The following HUWE1 variants were observed in gnomAD, a reference collection of about 807,000 sequenced individuals.
HUWE1 encodes HECT, UBA and WWE domain containing E3 ubiquitin protein ligase 1, also known as E3 ubiquitin-protein ligase HUWE1.
In HUWE1, 18 loss-of-function variants were observed where a neutral mutation model predicts 299.4. That is an observed-to-expected ratio of 0.06 (90% CI 0.04 to 0.09). HUWE1 has a LOEUF of 0.09. HUWE1 is among the 10% of genes least tolerant of loss of function. HUWE1 has a pLI of 1.00. For synonymous variants in HUWE1, 1,317 were observed against 1,286.1 expected (o/e 1.02, Z -0.51); for missense variants, 1,832 against 3,462.3 (o/e 0.53, Z 11.82).
At position 53,534,147 on chromosome X, in the gene HUWE1, G is replaced by C. The variant is rs149307907; in HGVS notation, c.12882C>G (p.Ala4294=). 3 of 1,208,554 alleles carry C rather than the reference G, an allele frequency of 2.5e-6. No homozygotes were observed. The African/African-American group carries it at 5.3e-5, about 21-fold the overall frequency. ...ALRSFDQADR[A]KFLQFVTGTS... ...TACCTGTGACAAACTGGAGGAACTT[G>C]GCACGGTCAGCTTGATCGAAAGAAC... Residue 4294 remains alanine, a synonymous_variant, in exon 83 of 84, where the codon GCC becomes GCG. Transcript: ENST00000262854.
At chrX:53,599,254 G>T (rs1419488647) in intron 29 of HUWE1, among the ~76,000 whole-genome samples, 2 of 112,572 alleles carry the variant, frequency 1.8e-5, no homozygotes, top group Admixed American at 9.4e-5. Flanking sequence ...TCCTTTGAAG[G>T]TAATGTTGGT....
intron 13 of HUWE1, 102 bp from the exon 14 acceptor site, chrX:53,629,004 A>T: frequency 1.5e-6 from 1 of 675,761 alleles, no homozygotes; most frequent in Non-Finnish European, 2.3e-6. Flanking sequence ...AAGTCATTCT[A>T]CTGGTAACTG....
chrX:53,568,903 A>G (rs373652351), intron 48 of HUWE1, 29 bp from the exon 49 acceptor site: 10 of 1,135,280 alleles, frequency 8.8e-6, no homozygotes, highest in Non-Finnish European at 1.2e-5. Context: ...CATCTCTATC[A>G]TATGAATATA....
chrX:53,651,584 T>C (rs1267085357), intron 4 of HUWE1, among the ~76,000 whole-genome samples: 2 of 111,956 alleles, frequency 1.8e-5, no homozygotes, highest in African/African-American at 3.3e-5. Context: ...AAAATTTCTA[T>C]TTTTACTTTT....
intron 43 of HUWE1, among the ~76,000 whole-genome samples, chrX:53,578,677 T>G (rs1300080103): frequency 5.3e-5 from 3 of 56,743 alleles, no homozygotes; most frequent in African/African-American, 7.3e-5. Context: ...GGGAGGGAGG[T>G]GGGGGGATCA....
rs1556929944 is a variant in HUWE1, at chrX:53,552,410, T to C, written c.8782A>G (p.Thr2928Ala). 8.3e-7 allele frequency: 1 copy of C among 1,211,099 alleles called. No individual in the cohort carries two copies. Among genetic ancestry groups the C allele is most frequent in the Non-Finnish European group, 1.1e-6 (1 of 895,051 alleles). Residue 2928 changes from threonine to alanine, a missense_variant, in exon 63 of 84, where the codon ACC (threonine) becomes GCC (alanine). Physicochemically the swap from Thr to Ala is moderately conservative, Grantham distance 58 (BLOSUM62 0). Transcript: ENST00000262854. ...GAAATGGCCACGGCAGAATCTCTGGTGGAAGAGCTCTCAGAGGATGCAGGT... is the reference window on the plus strand; with the variant it reads ...GAAATGGCCACGGCAGAATCTCTGGCGGAAGAGCTCTCAGAGGATGCAGGT... ...SPPASSESSS[T>A]RDSAVAISGA...
intron 67 of HUWE1, 113 bp from the exon 68 acceptor site, chrX:53,548,386 T>A: frequency 1.2e-6 from 1 of 844,511 alleles, no homozygotes. Context: ...TTTTGGTAAA[T>A]ATTGGGGGAT....
chrX:53,645,737 ATAT>A (rs1225912095), intron 6 of HUWE1, among the ~76,000 whole-genome samples: 86 of 38,286 alleles, frequency 2.2e-3, no homozygotes, highest in East Asian at 8.2e-3. Flanking sequence ...AAAAAAAAAA[ATAT>A]ATATATATAT....
At chrX:53,536,755 G>C in intron 78 of HUWE1, 88 bp from the exon 79 acceptor site, 1 of 832,941 alleles carries the variant, frequency 1.2e-6, no homozygotes, top group Non-Finnish European at 1.7e-6. Context: ...CTGTGAAGCA[G>C]TGTCTGGGGA....
chrX:53,649,406 T>C (rs1234946902), intron 4 of HUWE1, among the ~76,000 whole-genome samples: 2 of 111,868 alleles, frequency 1.8e-5, no homozygotes, highest in Admixed American at 9.5e-5. Context: ...TAAACTAACA[T>C]GTACCTATAT....
chrX:53,590,562 C>A, intron 34 of HUWE1, 63 bp from the exon 35 acceptor site: 1 of 791,183 alleles, frequency 1.3e-6, no homozygotes, highest in Non-Finnish European at 1.9e-6. Context: ...CCAACAAGAC[C>A]ACTGCAACTC....
chrX:53,607,504 T>G lies in HUWE1; in HGVS notation c.2496+19A>C, dbSNP rs781917711. The G allele has an allele frequency of 7.5e-6, 9 of 1,203,092 alleles. No homozygotes were observed. The highest frequency in any genetic ancestry group is 2.3e-4 in the Middle Eastern group (1 of 4,331). Reference sequence around the variant, plus strand: ...GATTTCCAGAAAGAAATGAAAACATTTGGCCAGATGCTTCTTACCAATATG... The same window carrying G: ...GATTTCCAGAAAGAAATGAAAACATGTGGCCAGATGCTTCTTACCAATATG... On this transcript the variant is annotated intron_variant, in intron 25 of 83. Coordinates refer to ENST00000262854, the MANE Select transcript of HUWE1 (RefSeq NM_031407.7).
chrX:53,686,054 C>A, intron 2 of HUWE1, among the ~76,000 whole-genome samples: 1 of 112,398 alleles, frequency 8.9e-6, no homozygotes, highest in Non-Finnish European at 1.9e-5. Flanking sequence ...GATTTTTAAA[C>A]AAGCAGTTAG....
At chrX:53,534,390 A>G (rs1556909862) in intron 82 of HUWE1, 126 bp downstream of exon 82, 2 of 684,801 alleles carry the variant, frequency 2.9e-6, no homozygotes, top group Non-Finnish European at 4.5e-6. Flanking sequence ...AAAGAGTTAG[A>G]TATAGGTAGA....
At position 53,542,432 on chromosome X, in the gene HUWE1, G is replaced by A; in HGVS notation, c.11476+11C>T. The A allele has an allele frequency of 3.6e-6, 4 of 1,106,227 alleles. No individual in the cohort carries two copies. Among genetic ancestry groups the A allele is most frequent in the Non-Finnish European group, 5.0e-6 (4 of 799,305 alleles). The allele number at this position is 1,106,227 out of a possible 1,213,427, so 91.2% of individuals were successfully genotyped here. ...CCTTTTGCTCGGCTGGAAACAGGAAGTAGTACTGACCAATGGATTGAGTAT... is the reference window on the plus strand; with the variant it reads ...CCTTTTGCTCGGCTGGAAACAGGAAATAGTACTGACCAATGGATTGAGTAT... On this transcript the variant is annotated intron_variant, in intron 74 of 83. Coordinates refer to ENST00000262854, the MANE Select transcript of HUWE1 (RefSeq NM_031407.7).
chrX:53,673,706 A>T (rs1179239609), intron 3 of HUWE1, among the ~76,000 whole-genome samples: 1 of 111,789 alleles, frequency 8.9e-6, no homozygotes, highest in Non-Finnish European at 1.9e-5. Context: ...TGGATTAGGG[A>T]CACTCAACTT....
Position 53,615,811 on chromosome X carries a change from C to G in HUWE1, c.1982G>C (p.Ser661Thr). The G allele has an allele frequency of 8.3e-7, 1 of 1,208,718 alleles. No homozygotes were observed. ...PLGDTASNLG[S>T]AVDELMRHQP... ...ATGTCTCATGAGCTCATCGACAGCA[C>G]TCCCCAGGTTGGATGCAGTATCCCC... is the stretch of plus-strand genomic sequence containing the variant. The change falls in exon 22 of 84, where the codon AGT (serine) becomes ACT (threonine). Residue 661 changes from serine (S) to threonine (T), a missense_variant. By Grantham distance (58) the Ser-to-Thr change is moderately conservative. This residue lies in a region of HUWE1 where 658 missense variants were observed against 1,282.6 expected (regional missense o/e 0.51). Coordinates refer to ENST00000262854, the MANE Select transcript of HUWE1 (RefSeq NM_031407.7).
At chrX:53,578,771 T>C (rs2063382703) in intron 43 of HUWE1, among the ~76,000 whole-genome samples, 1 of 56,424 alleles carries the variant, frequency 1.8e-5, no homozygotes, top group Non-Finnish European at 3.2e-5. Context: ...AGGACCCCTC[T>C]GCCCGGCCAG....
chrX:53,578,871 G>T (rs868913090), intron 43 of HUWE1, among the ~76,000 whole-genome samples: 16 of 60,231 alleles, frequency 2.7e-4, no homozygotes, highest in African/African-American at 8.6e-4. Context: ...TCAGCCCCCC[G>T]CCCGGCCAGC....
Sources: gnomAD v4.1 joint callset for allele counts (sites outside exome capture counted in the v4.1 genomes callset) on GRCh38, gnomAD v4.1.1 for gene constraint, gnomAD v4.1.1 regional missense constraint, MANE v1.5 for transcripts, NCBI Gene and HGNC (gene_info 2026-07-23, HGNC 2026-07-21) for gene names.